Variants in RHD observed in about 807,000 individuals in gnomAD.
The protein encoded by RHD is Rh blood group D antigen, also known as blood group Rh(D) polypeptide.
Under a neutral mutation model 45.5 loss-of-function variants are expected in RHD, and 16 were observed. That is an observed-to-expected ratio of 0.35 (90% CI 0.24 to 0.53). RHD has a LOEUF of 0.53. Ranked by LOEUF, RHD falls within the 20% of genes least tolerant of loss-of-function variation. The pLI, the probability that RHD is intolerant of heterozygous loss-of-function variation, is 0.92. For synonymous variants in RHD, 131 were observed against 217.5 expected (o/e 0.60, Z 3.50); for missense variants, 306 against 532.0 (o/e 0.58, Z 4.18).
At position 25,321,383 on chromosome 1, in the gene RHD, A is replaced by G. The variant is rs879861732; in HGVS notation, c.1154-506A>G. Among the ~76,000 whole-genome samples the G allele has an allele frequency of 7.5e-4, 91 of 122,070 alleles. 18 individuals are homozygous for G. Among genetic ancestry groups the G allele is most frequent in the Non-Finnish European group, 1.1e-3 (59 of 52,208 alleles). The allele number at this position is 122,070 out of a possible 152,430, so 80.1% of individuals were successfully genotyped here. ...AAAAAAAATGTCTACAGAATCGGCCAGGTGTGGTGGCTCATGCCTGTAATA... is the reference window on the plus strand; with the variant it reads ...AAAAAAAATGTCTACAGAATCGGCCGGGTGTGGTGGCTCATGCCTGTAATA... On this transcript the variant is annotated intron_variant, in intron 8 of 9. Transcript: ENST00000328664.
rs559288742 is a variant in RHD at position 25,298,254 on chromosome 1, G to A, written c.487-2692G>A. 4.5e-5 allele frequency among the ~76,000 whole-genome samples: 5 copies of A among 109,986 alleles called. No individual in the cohort carries two copies. The East Asian group carries it at 1.0e-3, about 23-fold the overall frequency. The allele number at this position is 109,986 out of a possible 152,430, so 72.2% of individuals were successfully genotyped here. On this transcript the variant is annotated intron_variant, in intron 3 of 9. Transcript: ENST00000328664. ...TCAAGAAGAGGAGTAAATTTCAGAG[G>A]CAGAACACTCCCTGTGAGCCCGAAC...
In RHD at chr1:25,281,494, A is replaced by G. The variant is rs1309702009; in HGVS notation, c.149-3079A>G. On this transcript the variant is annotated intron_variant, in intron 1 of 9. Coordinates refer to ENST00000328664, the MANE Select transcript of RHD (RefSeq NM_016124.6). ...ACAATCGTGTTTAATAAAAGGTTGG[A>G]TTTGCATATCTGAAGTGGGGCATGC... is the stretch of plus-strand genomic sequence containing the variant. Among the ~76,000 whole-genome samples the G allele has an allele frequency of 1.5e-5, 2 of 131,958 alleles. 1 individual carries two copies. The highest frequency in any genetic ancestry group is 5.2e-5 in the African/African-American group (2 of 38,454). 86.6% of individuals were successfully genotyped at this position (131,958 alleles called of 152,430 possible).
At chr1:25,319,326 G>T (rs1296111767) in intron 8 of RHD, among the ~76,000 whole-genome samples, 1 of 132,516 alleles carries the variant, frequency 7.5e-6, no homozygotes, top group Non-Finnish European at 1.8e-5. Flanking sequence ...GAGCAAACTG[G>T]TGATTAAAAA....
At position 25,280,308 on chromosome 1, in the gene RHD, C is replaced by CTT. The variant is rs76220916; in HGVS notation, c.149-4251_149-4250dup. 7.1e-5 allele frequency among the ~76,000 whole-genome samples: 8 copies of CTT among 113,074 alleles called. 2 individuals are homozygous for CTT. Among genetic ancestry groups the CTT allele is most frequent in the African/African-American group, 1.8e-4 (6 of 33,298 alleles). 74.2% of individuals were successfully genotyped at this position (113,074 alleles called of 152,430 possible). ...CCAGGATCCTCTGACTTCCTCATCT[C>CTT]TTTTTTTTTTTTTTTGAGCTGCAGT... On this transcript the variant is annotated intron_variant, in intron 1 of 9. Coordinates refer to ENST00000328664, the MANE Select transcript of RHD (RefSeq NM_016124.6).
In RHD at chr1:25,290,736, T is replaced by A. The variant is rs775007210; in HGVS notation, c.431T>A (p.Leu144Gln). The change falls in exon 3 of 10, where the codon CTG becomes CAG. Residue 144 changes from leucine to glutamine, a missense_variant. Physicochemically the swap from Leu to Gln is moderately radical, Grantham distance 113. Transcript: ENST00000328664. The part of the protein sequence containing the change: ...VNLAQLVVMV[L>Q]VEVTALGNLR... Reference sequence around the variant, plus strand: ...TTGGCGCAGTTGGTGGTGATGGTGCTGGTGGAGGTGACAGCTTTAGGCAAC... The same window carrying A: ...TTGGCGCAGTTGGTGGTGATGGTGCAGGTGGAGGTGACAGCTTTAGGCAAC... 7.3e-7 allele frequency: 1 copy of A among 1,377,720 alleles called. No homozygotes were observed. Among genetic ancestry groups the A allele is most frequent in the Non-Finnish European group, 1.0e-6 (1 of 978,264 alleles). The allele number at this position is 1,377,720 out of a possible 1,614,324, so 85.3% of individuals were successfully genotyped here.
intron 3 of RHD, among the ~76,000 whole-genome samples, chr1:25,296,847 T>C (rs1439519683): frequency 7.8e-6 from 1 of 127,848 alleles, no homozygotes; most frequent in African/African-American, 2.7e-5. Context: ...CATGCCAAAC[T>C]GTGAGTCAAT....
Position 25,280,892 on chromosome 1 carries a change from G to A in RHD, c.149-3681G>A, listed in dbSNP as rs1481443563. Among the ~76,000 whole-genome samples the A allele has an allele frequency of 6.8e-5, 9 of 132,492 alleles. 1 individual carries two copies. Among genetic ancestry groups the A allele is most frequent in the African/African-American group, 2.3e-4 (9 of 38,868 alleles). 86.9% of individuals were successfully genotyped at this position (132,492 alleles called of 152,430 possible). A position where few individuals can be genotyped will look rare whatever the true frequency, so the allele number is the denominator to read the frequency against. ...TCCCAAAGTGCTGGGATTGTGCTGG[G>A]ATTACAGGTGTGAGCCACCATACCT... On this transcript the variant is annotated intron_variant, in intron 1 of 9. Transcript: ENST00000328664.
chr1:25,282,765 G>A lies in RHD; in HGVS notation c.149-1808G>A, dbSNP rs1244371484. ...AAATTAGCCAGGCGTGGTGGCGCGC[G>A]CCTGTGGTTCCCACTGAAGCACAGG... is the stretch of plus-strand genomic sequence containing the variant. On this transcript the variant is annotated intron_variant, in intron 1 of 9. Transcript: ENST00000328664. Among the ~76,000 whole-genome samples, 18 of 130,240 alleles carry A rather than the reference G, an allele frequency of 1.4e-4. 2 individuals are homozygous for A. Among genetic ancestry groups the A allele is most frequent in the African/African-American group, 4.5e-4 (17 of 38,168 alleles). 85.4% of individuals were successfully genotyped at this position (130,240 alleles called of 152,430 possible). A position where few individuals can be genotyped will look rare whatever the true frequency, so the allele number is the denominator to read the frequency against.
At chr1:25,299,458 T>C (rs1262428819) in intron 3 of RHD, among the ~76,000 whole-genome samples, 4 of 131,046 alleles carry the variant, frequency 3.1e-5, no homozygotes, top group Non-Finnish European at 7.2e-5. Flanking sequence ...AGACACCCTC[T>C]ACAGACAAGG....
In RHD at chr1:25,314,886, A is replaced by G. The variant is rs1430015380; in HGVS notation, c.1074-2114A>G. On this transcript the variant is annotated intron_variant, in intron 7 of 9. Transcript: ENST00000328664. ...AGCCCAATTTATCATTGTTCCCTTT[A>G]TGTTTAGTTCTTTTATGTCCTTTTT... Among the ~76,000 whole-genome samples the G allele has an allele frequency of 1.5e-5, 2 of 130,046 alleles. 1 individual carries two copies. The highest frequency in any genetic ancestry group is 3.6e-5 in the Non-Finnish European group (2 of 55,058). The allele number at this position is 130,046 out of a possible 152,430, so 85.3% of individuals were successfully genotyped here. A position where few individuals can be genotyped will look rare whatever the true frequency, so the allele number is the denominator to read the frequency against.
At position 25,276,301 on chromosome 1, in the gene RHD, T is replaced by C. The variant is rs1208583682; in HGVS notation, c.148+3606T>C. Among the ~76,000 whole-genome samples, 6 of 129,018 alleles carry C rather than the reference T, an allele frequency of 4.7e-5. 2 individuals are homozygous for C. The highest frequency in any genetic ancestry group is 1.1e-4 in the Non-Finnish European group (6 of 55,206). 84.6% of individuals were successfully genotyped at this position (129,018 alleles called of 152,430 possible). The stretch of plus-strand genomic sequence containing the variant: ...AAAAAGAAAAAGTACAGAAGGATTA[T>C]AGAAACAAGATTGGTCTCATGTGAC... On this transcript the variant is annotated intron_variant, in intron 1 of 9. Coordinates refer to ENST00000328664, the MANE Select transcript of RHD (RefSeq NM_016124.6).
intron 3 of RHD, among the ~76,000 whole-genome samples, chr1:25,300,160 T>A (rs1643275205): frequency 7.6e-6 from 1 of 131,426 alleles, no homozygotes; most frequent in Admixed American, 7.4e-5. Flanking sequence ...GAAGTAGGAA[T>A]CAGTGAGGTG....
intron 7 of RHD, among the ~76,000 whole-genome samples, chr1:25,316,548 G>A (rs1644446722): frequency 9.8e-6 from 1 of 102,330 alleles, no homozygotes; most frequent in African/African-American, 3.2e-5. Flanking sequence ...GGGGACAGAG[G>A]TTGCAGTGAG....
chr1:25,290,593 G>C (rs778208299), intron 2 of RHD, 48 bp from the exon 3 acceptor site: 3 of 1,264,942 alleles, frequency 2.4e-6, no homozygotes, highest in East Asian at 2.2e-5. Context: ...GAATGAGTGA[G>C]AGGCATCCTT....
rs1416311201 is a variant in RHD, at chr1:25,320,584, C to T, written c.1154-1305C>T. Among the ~76,000 whole-genome samples, 4 of 131,886 alleles carry T rather than the reference C, an allele frequency of 3.0e-5. 1 individual carries two copies. The highest frequency in any genetic ancestry group is 7.2e-5 in the Non-Finnish European group (4 of 55,730). The allele number at this position is 131,886 out of a possible 152,430, so 86.5% of individuals were successfully genotyped here. ...CTAAGCACTCGCCCATTCTTGTTAA[C>T]GACACTGGAACTGATCATCCTTAAT... On this transcript the variant is annotated intron_variant, in intron 8 of 9. Coordinates refer to ENST00000328664, the MANE Select transcript of RHD (RefSeq NM_016124.6).
rs773631197 is a variant in RHD, at chr1:25,329,028, C to A, written c.*104C>A. On this transcript the variant is annotated 3_prime_UTR_variant, in exon 10 of 10. Coordinates refer to ENST00000328664, the MANE Select transcript of RHD (RefSeq NM_016124.6). ...GAAACGCTCATGACAGCAAAGTCTCCAATGTTCGCGCAGGCACTGGAGTCA... is the reference window on the plus strand; with the variant it reads ...GAAACGCTCATGACAGCAAAGTCTCAAATGTTCGCGCAGGCACTGGAGTCA... 2 of 1,378,232 alleles carry A rather than the reference C, an allele frequency of 1.5e-6. No individual in the cohort carries two copies. The highest frequency in any genetic ancestry group is 4.5e-5 in the East Asian group (2 of 44,586). The allele number at this position is 1,378,232 out of a possible 1,614,324, so 85.4% of individuals were successfully genotyped here. A position where few individuals can be genotyped will look rare whatever the true frequency, so the allele number is the denominator to read the frequency against.
Position 25,311,042 on chromosome 1 carries a change from A to G in RHD, c.1073+4313A>G, listed in dbSNP as rs1346773445. 1.5e-5 allele frequency among the ~76,000 whole-genome samples: 2 copies of G among 131,672 alleles called. 1 individual carries two copies. Among genetic ancestry groups the G allele is most frequent in the Non-Finnish European group, 3.6e-5 (2 of 55,664 alleles). The allele number at this position is 131,672 out of a possible 152,430, so 86.4% of individuals were successfully genotyped here. A position where few individuals can be genotyped will look rare whatever the true frequency, so the allele number is the denominator to read the frequency against. On this transcript the variant is annotated intron_variant, in intron 7 of 9. Transcript: ENST00000328664. Reference sequence around the variant, plus strand: ...AGTTCTGCAGTTCTGGTGAGGGCTTAAAGGAAGACCCCAGAACTAGGGAAA... The same window carrying G: ...AGTTCTGCAGTTCTGGTGAGGGCTTGAAGGAAGACCCCAGAACTAGGGAAA...
rs1643858233 is a variant in RHD at position 25,306,593 on chromosome 1, C to T, written c.940-3C>T. 7.3e-7 allele frequency: 1 copy of T among 1,377,650 alleles called. No homozygotes were observed. Among genetic ancestry groups the T allele is most frequent in the African/African-American group, 1.4e-5 (1 of 70,044 alleles). 85.3% of individuals were successfully genotyped at this position (1,377,650 alleles called of 1,614,324 possible). On this transcript the variant is annotated splice_polypyrimidine_tract_variant and splice_region_variant and intron_variant, in intron 6 of 9. Transcript: ENST00000328664. Reference sequence around the variant, plus strand: ...ATCTGCTTATAATAACACTTGTCCACAGGGGTGTTGTAACCGAGTGCTGGG... The same window carrying T: ...ATCTGCTTATAATAACACTTGTCCATAGGGGTGTTGTAACCGAGTGCTGGG...
At position 25,280,490 on chromosome 1, in the gene RHD, G is replaced by T. The variant is rs1641389393; in HGVS notation, c.149-4083G>T. Reference sequence around the variant, plus strand: ...CAGGCTAATTTTTGTATTTTTAGTAGAGACGGGGTTTCACCATGTTGGCCA... The same window carrying T: ...CAGGCTAATTTTTGTATTTTTAGTATAGACGGGGTTTCACCATGTTGGCCA... On this transcript the variant is annotated intron_variant, in intron 1 of 9. Coordinates refer to ENST00000328664, the MANE Select transcript of RHD (RefSeq NM_016124.6). Among the ~76,000 whole-genome samples the T allele has an allele frequency of 1.6e-5, 2 of 128,260 alleles. 1 individual carries two copies. Among genetic ancestry groups the T allele is most frequent in the Non-Finnish European group, 3.7e-5 (2 of 54,270 alleles). The allele number at this position is 128,260 out of a possible 152,430, so 84.1% of individuals were successfully genotyped here. A position where few individuals can be genotyped will look rare whatever the true frequency, so the allele number is the denominator to read the frequency against.
Sources: gnomAD v4.1 joint callset for allele counts (sites outside exome capture counted in the v4.1 genomes callset) on GRCh38, gnomAD v4.1.1 for gene constraint, MANE v1.5 for transcripts, NCBI Gene and HGNC (gene_info 2026-07-23, HGNC 2026-07-21) for gene names.